Variants in NFIB observed in about 807,000 individuals in gnomAD.
NFIB encodes nuclear factor I B, also known as nuclear factor 1 B-type.
A neutral mutation model predicts 61.5 loss-of-function variants in NFIB; 11 were observed. That is an observed-to-expected ratio of 0.18 (90% confidence interval 0.11 to 0.30). The LOEUF is 0.30. Ranked by LOEUF, NFIB falls within the 10% of genes least tolerant of loss-of-function variation. The pLI, the probability that NFIB is intolerant of heterozygous loss-of-function variation, is 1.00. For synonymous variants in NFIB, 260 were observed against 216.5 expected, an observed-to-expected ratio of 1.20 and a Z score of -1.76; for missense variants, 471 against 608.9, an observed-to-expected ratio of 0.77 and a Z score of 2.38.
At chr9:14,236,532 T>C (rs568008150) in intron 2 of NFIB, among the ~76,000 whole-genome samples, 15 of 152,326 alleles carry the variant, frequency 9.8e-5, no homozygotes, top group African/African-American at 3.6e-4. Flanking sequence ...GCATGTGGAA[T>C]TGTAGAGCCA....
chr9:14,523,997 C>T, the NFIB span, among the ~76,000 whole-genome samples: 1 of 152,216 alleles, frequency 6.6e-6, no homozygotes, highest in Admixed American at 6.5e-5. Context: ...TAACTTGGGC[C>T]CACAGATTTG....
chr9:14,214,874 T>C (rs970430960), intron 2 of NFIB, among the ~76,000 whole-genome samples: 1 of 152,196 alleles, frequency 6.6e-6, no homozygotes, highest in African/African-American at 2.4e-5. Flanking sequence ...AGCCATCCTA[T>C]ACAATTGGAA....
chr9:14,355,757 C>A (rs544506708), intron 1 of NFIB, among the ~76,000 whole-genome samples: 1 of 152,250 alleles, frequency 6.6e-6, no homozygotes, highest in African/African-American at 2.4e-5. Context: ...GAGTTCGAGA[C>A]CATCCTGCCT....
At position 14,298,453 on chromosome 9, in the gene NFIB, T is replaced by C. The variant is rs553886857; in HGVS notation, c.562+8536A>G. Among the ~76,000 whole-genome samples, 48 of 152,236 alleles carry C rather than the reference T, an allele frequency of 3.2e-4. No homozygotes were observed. In the South Asian group the frequency reaches 9.5e-3, roughly 30 times the overall value. On this transcript the variant is annotated intron_variant, in intron 2 of 10. Transcript: ENST00000380953. ...GAGTGTGGAAAAGGAAATTGTGATA[T>C]GTACCATCATAAAACAGAGAAACTG...
chr9:14,139,078 C>A (rs949154193), intron 6 of NFIB, among the ~76,000 whole-genome samples: 8 of 152,078 alleles, frequency 5.3e-5, no homozygotes, highest in African/African-American at 1.9e-4. Context: ...ACTTGCGAAG[C>A]AGTGTTTAAA....
At position 14,086,756 on chromosome 9, in the gene NFIB, G is replaced by A. The variant is rs1397073992; in HGVS notation, c.*1553C>T. ...ATAAATGCAGCAAAACAAGTGTAGT[G>A]ATGTCACTTTGTTGTATTTTTTTGT... is the stretch of plus-strand genomic sequence containing the variant. On this transcript the variant is annotated 3_prime_UTR_variant, in exon 11 of 11. Coordinates refer to ENST00000380953, the MANE Select transcript of NFIB (RefSeq NM_001190737.2). 1 of 207,456 alleles carries A rather than the reference G, an allele frequency of 4.8e-6. No homozygotes were observed. The highest frequency in any genetic ancestry group is 2.3e-5 in the African/African-American group (1 of 43,654). The allele number at this position is 207,456 out of a possible 1,614,324, so 12.9% of individuals were successfully genotyped here. A position where few individuals can be genotyped will look rare whatever the true frequency, so the allele number is the denominator to read the frequency against.
chr9:14,435,516 A>G, the NFIB span, among the ~76,000 whole-genome samples: 3 of 152,226 alleles, frequency 2.0e-5, no homozygotes, highest in Non-Finnish European at 2.9e-5. Context: ...CAACTACTTC[A>G]TAGGATTATT....
chr9:14,314,867 A>T (rs1473444262), upstream of NFIB, among the ~76,000 whole-genome samples: 8 of 146,330 alleles, frequency 5.5e-5, no homozygotes, highest in East Asian at 1.6e-3. Flanking sequence ...ACCCCCGAAA[A>T]CCCGCCCTGG....
At chr9:14,148,428 A>G (rs1350147594) in intron 5 of NFIB, among the ~76,000 whole-genome samples, 1 of 152,012 alleles carries the variant, frequency 6.6e-6, no homozygotes, top group Non-Finnish European at 1.5e-5. Flanking sequence ...TTTTTTCTTT[A>G]ATTAAAAAAA....
intron 1 of NFIB, among the ~76,000 whole-genome samples, chr9:14,368,641 C>T (rs915410126): frequency 2.0e-5 from 3 of 152,184 alleles, no homozygotes; most frequent in Non-Finnish European, 4.4e-5. Flanking sequence ...TATACCAGTG[C>T]TATCTTGACT....
At chr9:14,506,911 T>C in the NFIB span, among the ~76,000 whole-genome samples, 2 of 152,186 alleles carry the variant, frequency 1.3e-5, no homozygotes, top group African/African-American at 4.8e-5. Context: ...TTAGATGGAC[T>C]TAAAAAGTAA....
chr9:14,373,004 T>C (rs754950650), intron 1 of NFIB, among the ~76,000 whole-genome samples: 1 of 152,140 alleles, frequency 6.6e-6, no homozygotes, highest in Non-Finnish European at 1.5e-5. Flanking sequence ...TGGGGACTGA[T>C]TCCAGAATGA....
At chr9:14,384,702 A>G (rs190121844) in intron 1 of NFIB, among the ~76,000 whole-genome samples, 53 of 152,282 alleles carry the variant, frequency 3.5e-4, no homozygotes, top group African/African-American at 1.2e-3. Context: ...GATTTATAAC[A>G]TGGTAATCCC....
At chr9:14,479,291 C>T in the NFIB span, among the ~76,000 whole-genome samples, 64 of 152,276 alleles carry the variant, frequency 4.2e-4, no homozygotes, top group Admixed American at 2.9e-3. Flanking sequence ...GTAGCAGTGA[C>T]ATCATCTTCT....
At chr9:14,178,661 T>C (rs1315789195) in intron 3 of NFIB, among the ~76,000 whole-genome samples, 1 of 152,182 alleles carries the variant, frequency 6.6e-6, no homozygotes, top group Non-Finnish European at 1.5e-5. Flanking sequence ...ATAGTCTGTT[T>C]TGATTTTGCA....
Position 14,120,590 on chromosome 9 carries a change from C to T in NFIB, c.1095G>A (p.Pro365=), listed in dbSNP as rs767029209. 13 of 1,612,304 alleles carry T rather than the reference C, an allele frequency of 8.1e-6. No individual in the cohort carries two copies. The highest frequency in any genetic ancestry group is 2.2e-5 in the East Asian group (1 of 44,832). The change falls in exon 8 of 11, where the codon CCG becomes CCA. Residue 365 remains proline, a synonymous_variant. Transcript: ENST00000380953. The surrounding 1 kb of genome is among the most constrained non-coding windows in gnomAD (Gnocchi z 4.4). ...GGATAGCTTGTGTTGGAAATGGCAA[C>T]GGTGAAGGTGGAGGTGGAGTTCGAG... is the stretch of plus-strand genomic sequence containing the variant. ...ISTRTPPPPS[P]LPFPTQAILP... is the part of the protein sequence containing the mutation.
At chr9:14,470,184 G>A in the NFIB span, among the ~76,000 whole-genome samples, 1 of 152,276 alleles carries the variant, frequency 6.6e-6, no homozygotes, top group South Asian at 2.1e-4. Flanking sequence ...GGAGCTGGGA[G>A]CAATGCCTGG....
the NFIB span, among the ~76,000 whole-genome samples, chr9:14,428,146 A>G: frequency 5.3e-5 from 8 of 151,722 alleles, no homozygotes; most frequent in African/African-American, 1.9e-4. Context: ...GGGTTTCACC[A>G]TGTTGCCCAA....
chr9:14,481,814 A>G, the NFIB span, among the ~76,000 whole-genome samples: 1 of 152,138 alleles, frequency 6.6e-6, no homozygotes, highest in Admixed American at 6.6e-5. Flanking sequence ...AGACTCACCC[A>G]AGGTAGAAAT....
Sources: allele counts gnomAD v4.1 joint callset (sites outside exome capture counted in the v4.1 genomes callset), GRCh38; gene constraint gnomAD v4.1.1; non-coding constraint Gnocchi (gnomAD v3.1); transcripts MANE v1.5; gene names NCBI Gene and HGNC (gene_info 2026-07-23, HGNC 2026-07-21).